The following RABGAP1L variants were observed in gnomAD, a reference collection of about 807,000 sequenced individuals.
RABGAP1L encodes rab GTPase-activating protein 1-like.
Under a neutral mutation model 137.7 loss-of-function variants are expected in RABGAP1L, and 63 were observed. That is an observed-to-expected ratio of 0.46 (90% CI 0.37 to 0.56). The LOEUF is 0.56. Among genes scored for constraint, RABGAP1L ranks in the 20% least tolerant of loss-of-function variants. RABGAP1L has a pLI of 0.00. For missense variants in RABGAP1L, 1,095 were observed against 1,244.0 expected (o/e 0.88, Z 1.80); for synonymous variants, 431 against 433.7 (o/e 0.99, Z 0.08).
At chr1:174,878,385 C>G (rs1415676201) in intron 19 of RABGAP1L, among the ~76,000 whole-genome samples, 1 of 152,182 alleles carries the variant, frequency 6.6e-6, no homozygotes, top group African/African-American at 2.4e-5. Flanking sequence ...CGCCACCATG[C>G]CTGGCTAATT....
At chr1:174,510,580 T>G (rs1662240799) in intron 13 of RABGAP1L, among the ~76,000 whole-genome samples, 1 of 152,268 alleles carries the variant, frequency 6.6e-6, no homozygotes, top group Non-Finnish European at 1.5e-5. Flanking sequence ...CATAAAAAAG[T>G]TAGAATGGCA....
At chr1:174,198,498 CTCTTTGGAT>C (rs1667861705) in intron 1 of RABGAP1L, among the ~76,000 whole-genome samples, 1 of 152,080 alleles carries the variant, frequency 6.6e-6, no homozygotes, top group African/African-American at 2.4e-5. Flanking sequence ...AATTTTTAAG[CTCTTTGGAT>C]TCTGAGTTAG....
chr1:174,866,740 C>A (rs766236138), intron 19 of RABGAP1L, among the ~76,000 whole-genome samples: 1 of 150,282 alleles, frequency 6.7e-6, no homozygotes, highest in African/African-American at 2.4e-5. Context: ...GGTGAAACCC[C>A]TTCTCTACTA....
At chr1:174,178,882 T>C (rs373943751) in intron 1 of RABGAP1L, among the ~76,000 whole-genome samples, 3 of 152,134 alleles carry the variant, frequency 2.0e-5, no homozygotes, top group Admixed American at 2.0e-4. Context: ...AGGTAATGCA[T>C]GCAGGGCTTA....
intron 11 of RABGAP1L, among the ~76,000 whole-genome samples, chr1:174,327,986 CATATATATATATAT>C (rs3057021): frequency 1.5e-4 from 8 of 53,630 alleles, no homozygotes; most frequent in Admixed American, 2.2e-4. Flanking sequence ...TATACACACA[CATATATATATATAT>C]ATATATATAT....
chr1:174,958,173 G>T, intron 20 of RABGAP1L: 1 of 1,428,462 alleles, frequency 7.0e-7, no homozygotes, highest in Non-Finnish European at 9.3e-7. Context: ...AAATCACAAA[G>T]GTATATTGAG....
In RABGAP1L at chr1:174,489,568, T is replaced by C. The variant is rs138290129; in HGVS notation, c.1710+95423T>C. 2.4e-3 allele frequency among the ~76,000 whole-genome samples: 325 copies of C among 134,344 alleles called. 4 individuals carry two copies. Among genetic ancestry groups the C allele is most frequent in the Non-Finnish European group, 4.5e-3 (262 of 57,798 alleles). 88.1% of individuals were successfully genotyped at this position (134,344 alleles called of 152,430 possible). A position where few individuals can be genotyped will look rare whatever the true frequency, so the allele number is the denominator to read the frequency against. On this transcript the variant is annotated intron_variant, in intron 13 of 25. Coordinates refer to ENST00000681986, the MANE Select transcript of RABGAP1L (RefSeq NM_001366446.1). ...GGATGTGGAGAAATAGGAACACTTTTATATGGTTGGTGGGACTGTAAACTA... is the reference window on the plus strand; with the variant it reads ...GGATGTGGAGAAATAGGAACACTTTCATATGGTTGGTGGGACTGTAAACTA...
chr1:174,956,685 T>G (rs1668563289), intron 19 of RABGAP1L, among the ~76,000 whole-genome samples: 1 of 151,118 alleles, frequency 6.6e-6, no homozygotes, highest in Admixed American at 6.6e-5. Flanking sequence ...TCTCGCTCTA[T>G]CACCCAGGCT....
chr1:174,915,391 T>C (rs1660684726), intron 19 of RABGAP1L, among the ~76,000 whole-genome samples: 1 of 152,212 alleles, frequency 6.6e-6, no homozygotes, highest in South Asian at 2.1e-4. Flanking sequence ...TATTTTCTAA[T>C]GGTGTTGAGC....
At chr1:174,211,611 G>A (rs929188551) in intron 1 of RABGAP1L, among the ~76,000 whole-genome samples, 2 of 152,060 alleles carry the variant, frequency 1.3e-5, no homozygotes, top group Non-Finnish European at 2.9e-5. Flanking sequence ...AGTTATAGGA[G>A]TAAGTCCTTA....
chr1:174,501,173 C>G (rs1227327202), intron 13 of RABGAP1L, among the ~76,000 whole-genome samples: 5 of 151,590 alleles, frequency 3.3e-5, no homozygotes, highest in Non-Finnish European at 7.4e-5. Context: ...CTCTGAGACC[C>G]TACATTTTCT....
chr1:174,551,936 ATC>A (rs3083929), intron 13 of RABGAP1L, among the ~76,000 whole-genome samples: 59,091 of 151,850 alleles, frequency 0.39, 14,479 homozygotes, highest in African/African-American at 0.7. Context: ...GAAGAAATGA[ATC>A]TCAATTCTTT....
intron 1 of RABGAP1L, among the ~76,000 whole-genome samples, chr1:174,163,648 A>G (rs1306035395): frequency 2.0e-5 from 3 of 151,612 alleles, no homozygotes; most frequent in Admixed American, 1.3e-4. Flanking sequence ...ACAATTCTTT[A>G]TAAATACTCA....
At chr1:174,941,715 C>G (rs1665911992) in intron 19 of RABGAP1L, among the ~76,000 whole-genome samples, 1 of 147,532 alleles carries the variant, frequency 6.8e-6, no homozygotes, top group Admixed American at 6.7e-5. Context: ...CAAAACAAAA[C>G]AAAACCCTGA....
chr1:174,769,870 A>T (rs1472441971), intron 18 of RABGAP1L, among the ~76,000 whole-genome samples: 1 of 152,064 alleles, frequency 6.6e-6, no homozygotes, highest in Admixed American at 6.6e-5. Flanking sequence ...AAAGAAAGAA[A>T]AGCAAAAGAC....
chr1:174,958,633 T>A (rs1668825375), intron 20 of RABGAP1L, among the ~76,000 whole-genome samples: 1 of 152,196 alleles, frequency 6.6e-6, no homozygotes, highest in Non-Finnish European at 1.5e-5. Context: ...GAGCTGGACA[T>A]AGGCAGCATA....
intron 15 of RABGAP1L, among the ~76,000 whole-genome samples, chr1:174,686,950 C>G (rs887732184): frequency 6.6e-6 from 1 of 151,944 alleles, no homozygotes; most frequent in African/African-American, 2.4e-5. Flanking sequence ...TGAGCCACCA[C>G]GCCTGGCCAC....
chr1:174,641,685 AG>A lies in RABGAP1L; in HGVS notation c.1824+4198del, dbSNP rs538111004. Among the ~76,000 whole-genome samples, 203 of 152,284 alleles carry A rather than the reference AG, an allele frequency of 1.3e-3. 1 individual carries two copies. The highest frequency in any genetic ancestry group is 4.6e-3 in the African/African-American group (191 of 41,592). On this transcript the variant is annotated intron_variant, in intron 14 of 25. Transcript: ENST00000681986. ...TGGGAGACAGGTTGGTATAGTTTAA[AG>A]CACTGGGCATCAGGAAATCTGGTTC...
chr1:174,463,524 G>C (rs556806535), intron 13 of RABGAP1L, among the ~76,000 whole-genome samples: 52 of 151,916 alleles, frequency 3.4e-4, no homozygotes, highest in African/African-American at 1.2e-3. Flanking sequence ...GGGTGGGGGA[G>C]GGGGAAGGGA....
Sources: allele counts gnomAD v4.1 joint callset (sites outside exome capture counted in the v4.1 genomes callset), GRCh38; gene constraint gnomAD v4.1.1; transcripts MANE v1.5; gene names NCBI Gene and HGNC (gene_info 2026-07-23, HGNC 2026-07-21).